NECTIN3: variants seen among roughly 807,000 people sequenced by gnomAD.
The protein encoded by NECTIN3 is nectin cell adhesion molecule 3.
NECTIN3 carries 8 observed loss-of-function variants against 49.4 expected under a neutral mutation model. That is an observed-to-expected ratio of 0.16 (90% CI 0.10 to 0.29). The LOEUF (loss-of-function observed/expected upper bound fraction) is 0.29, where lower values mean the gene tolerates loss of function less well. NECTIN3 is among the 10% of genes least tolerant of loss of function. The probability of loss-of-function intolerance (pLI) is 1.00; values close to 1 mark genes in which losing one functional copy is unlikely to be tolerated. For synonymous variants in NECTIN3, 277 were observed against 241.1 expected, an observed-to-expected ratio of 1.15 and a Z score of -1.38; for missense variants, 581 against 654.6, an observed-to-expected ratio of 0.89 and a Z score of 1.23.
chr3:111,093,710 A>G (rs1045524335), intron 1 of NECTIN3, among the ~76,000 whole-genome samples: 2 of 152,204 alleles, frequency 1.3e-5, no homozygotes, highest in African/African-American at 4.8e-5. Flanking sequence ...TGCTGGGATT[A>G]CAGGCATGAG....
chr3:111,113,338 C>G (rs777445070), intron 2 of NECTIN3, among the ~76,000 whole-genome samples: 2 of 152,158 alleles, frequency 1.3e-5, no homozygotes, highest in Non-Finnish European at 2.9e-5. Context: ...TCAATTCATT[C>G]TTCCTTCTCC....
chr3:111,118,699 T>C lies in NECTIN3; in HGVS notation c.546T>C (p.Ile182=), dbSNP rs1559789781. The C allele has an allele frequency of 6.2e-7, 1 of 1,612,930 alleles. No individual in the cohort carries two copies. The highest frequency in any genetic ancestry group is 1.1e-5 in the South Asian group (1 of 90,922). The stretch of plus-strand genomic sequence containing the variant: ...TGATAAAAGGGCCAGATTCTTTAAT[T>C]GATGGAGGAAATGAAACAGTAGCAG... ...VSLIKGPDSL[I]DGGNETVAAI... Residue 182 remains isoleucine, a synonymous_variant, in exon 3 of 6, where the codon ATT becomes ATC. Transcript: ENST00000485303.
chr3:111,073,853 A>G (rs2030980435), intron 1 of NECTIN3, among the ~76,000 whole-genome samples: 1 of 152,258 alleles, frequency 6.6e-6, no homozygotes, highest in African/African-American at 2.4e-5. Context: ...AGTGGTTGTG[A>G]AAATGAATTG....
intron 7 of NECTIN3, among the ~76,000 whole-genome samples, chr3:111,168,672 G>A (rs1361290833): frequency 1.3e-5 from 2 of 152,144 alleles, no homozygotes; most frequent in Non-Finnish European, 2.9e-5. Context: ...TATACTTTGG[G>A]AGGACAATTC....
intron 1 of NECTIN3, among the ~76,000 whole-genome samples, chr3:111,078,512 T>C (rs1417282475): frequency 6.6e-6 from 1 of 152,192 alleles, no homozygotes; most frequent in Non-Finnish European, 1.5e-5. Context: ...AAGTTAACAA[T>C]GTGAATTAGT....
chr3:111,113,877 G>A (rs1341737448), intron 2 of NECTIN3, among the ~76,000 whole-genome samples: 1 of 151,974 alleles, frequency 6.6e-6, no homozygotes, highest in Admixed American at 6.6e-5. Flanking sequence ...CCAGCTACTC[G>A]GGTGGCTGGG....
intron 7 of NECTIN3, among the ~76,000 whole-genome samples, chr3:111,155,046 T>C (rs1166792310): frequency 6.6e-6 from 1 of 152,130 alleles, no homozygotes; most frequent in Non-Finnish European, 1.5e-5. Flanking sequence ...CAAGCGATTC[T>C]CCTGCCTCAG....
chr3:111,111,907 G>GCA (rs2033481714), intron 1 of NECTIN3, 123 bp from the exon 2 acceptor site: 26 of 94,904 alleles, frequency 2.7e-4, no homozygotes, highest in Non-Finnish European at 4.3e-4. Context: ...GCATGTGTGT[G>GCA]TGTGTGTGTG....
chr3:111,154,654 G>A (rs1294449016), intron 7 of NECTIN3, among the ~76,000 whole-genome samples: 2 of 151,962 alleles, frequency 1.3e-5, no homozygotes, highest in Non-Finnish European at 2.9e-5. Context: ...CAACACTTAT[G>A]GTCAGACATT....
Position 111,176,243 on chromosome 3 carries a change from A to G in NECTIN3, c.1222-16108A>G, listed in dbSNP as rs554868621. ...AATAGTGACACTGTAGGGTGCATTG[A>G]AAACAAGAAAAATCCTTGACTCATT... On this transcript the variant is annotated intron_variant, in intron 7 of 8. Coordinates refer to the NECTIN3 transcript ENST00000493615. Among the ~76,000 whole-genome samples, 8 of 152,346 alleles carry G rather than the reference A, an allele frequency of 5.3e-5. No homozygotes were observed. The South Asian group carries it at 1.7e-3, about 32-fold the overall frequency.
intron 1 of NECTIN3, chr3:111,193,670 G>A (rs1034067776): frequency 3.0e-6 from 1 of 335,272 alleles, no homozygotes; most frequent in Non-Finnish European, 5.5e-6. Context: ...TAACAGTACA[G>A]CATCTGCCTG....
chr3:111,167,354 A>G (rs2035338151), intron 7 of NECTIN3, among the ~76,000 whole-genome samples: 1 of 152,194 alleles, frequency 6.6e-6, no homozygotes, highest in Admixed American at 6.5e-5. Context: ...TTCCTCTTTT[A>G]AGTACATAAT....
At chr3:111,122,911 A>G (rs974853833) in intron 4 of NECTIN3, among the ~76,000 whole-genome samples, 2 of 151,564 alleles carry the variant, frequency 1.3e-5, no homozygotes, top group African/African-American at 2.4e-5. Context: ...TTTTTTGGTC[A>G]TTTCCCTCTT....
intron 5 of NECTIN3, among the ~76,000 whole-genome samples, chr3:111,144,092 T>C (rs1411357928): frequency 6.6e-6 from 1 of 152,100 alleles, no homozygotes; most frequent in African/African-American, 2.4e-5. Context: ...GTAGTACTTG[T>C]AATAGTTTTA....
At chr3:111,148,915 C>T (rs890488772) in intron 7 of NECTIN3, among the ~76,000 whole-genome samples, 4 of 152,010 alleles carry the variant, frequency 2.6e-5, no homozygotes, top group Non-Finnish European at 5.9e-5. Flanking sequence ...TCTGTATTGT[C>T]TGAAATGGCT....
intron 1 of NECTIN3, among the ~76,000 whole-genome samples, chr3:111,101,303 A>T (rs946208655): frequency 2.0e-5 from 3 of 152,008 alleles, no homozygotes; most frequent in African/African-American, 7.2e-5. Flanking sequence ...GATGATGAAA[A>T]CCCCATTTTA....
Position 111,135,481 on chromosome 3 carries a change from TG to T in NECTIN3, c.*1267del. 1.4e-5 allele frequency: 14 copies of T among 968,346 alleles called. No homozygotes were observed. The highest frequency in any genetic ancestry group is 1.7e-5 in the Non-Finnish European group (14 of 814,524). The allele number at this position is 968,346 out of a possible 1,614,324, so 60.0% of individuals were successfully genotyped here. ...TTACCTAAACTTCAAATGTGCTTTT[TG>T]TTTGTGAGGTAATTAAATTGCTTCT... On this transcript the variant is annotated 3_prime_UTR_variant, in exon 6 of 6. Coordinates refer to ENST00000485303, the MANE Select transcript of NECTIN3 (RefSeq NM_015480.3).
chr3:111,133,564 T>C, intron 5 of NECTIN3, 71 bp from the exon 6 acceptor site: 1 of 1,520,130 alleles, frequency 6.6e-7, no homozygotes, highest in Non-Finnish European at 8.8e-7. Context: ...CTTGTCAACT[T>C]GCTGCTGAAT....
chr3:111,107,681 C>A (rs1389740125), intron 1 of NECTIN3, among the ~76,000 whole-genome samples: 1 of 152,136 alleles, frequency 6.6e-6, no homozygotes, highest in Non-Finnish European at 1.5e-5. Flanking sequence ...AACTCAGCTT[C>A]ATGTGGGAAA....
Sources: gnomAD v4.1 joint callset for allele counts (sites outside exome capture counted in the v4.1 genomes callset) on GRCh38, gnomAD v4.1.1 for gene constraint, MANE v1.5 for transcripts, NCBI Gene and HGNC (gene_info 2026-07-23, HGNC 2026-07-21) for gene names.